PDE4B: variants seen among roughly 807,000 people sequenced by gnomAD.
The protein encoded by PDE4B is 3',5'-cyclic-AMP phosphodiesterase 4B.
In PDE4B, 20 loss-of-function variants were observed where a neutral mutation model predicts 82.2. The observed-to-expected ratio is 0.24, with a 90% CI of 0.17 to 0.35. PDE4B has a LOEUF of 0.35. Among genes scored for constraint, PDE4B ranks in the 10% least tolerant of loss-of-function variants. PDE4B has a pLI of 1.00. For missense variants in PDE4B, 655 were observed against 907.2 expected (o/e 0.72, Z 3.57); for synonymous variants, 320 against 318.9 (o/e 1.00, Z -0.04).
At chr1:66,281,553 T>C (rs1008327153) in intron 7 of PDE4B, among the ~76,000 whole-genome samples, 1 of 152,242 alleles carries the variant, frequency 6.6e-6, no homozygotes, top group Non-Finnish European at 1.5e-5. Context: ...GAAGGGTGGA[T>C]TCAATCACTT....
intron 3 of PDE4B, among the ~76,000 whole-genome samples, chr1:66,184,897 G>A: frequency 6.6e-6 from 1 of 150,454 alleles, no homozygotes. Context: ...GTGCATGTTT[G>A]TTGCATATGT....
intron 3 of PDE4B, among the ~76,000 whole-genome samples, chr1:66,105,934 C>T (rs1413339516): frequency 2.0e-5 from 3 of 151,940 alleles, no homozygotes; most frequent in East Asian, 1.9e-4. Flanking sequence ...CCTTTATTTC[C>T]TTCTCCTGCC....
At chr1:66,193,948 ATCT>A (rs1232225459) in intron 3 of PDE4B, among the ~76,000 whole-genome samples, 1 of 109,638 alleles carries the variant, frequency 9.1e-6, no homozygotes, top group African/African-American at 2.9e-5. Context: ...GAGATTTGAA[ATCT>A]TTTTTTTTTT....
intron 3 of PDE4B, among the ~76,000 whole-genome samples, chr1:65,975,685 C>A (rs552469141): frequency 6.6e-6 from 1 of 152,296 alleles, no homozygotes; most frequent in South Asian, 2.1e-4. Flanking sequence ...TGGAACAAGG[C>A]ACCTTGCATC....
chr1:66,328,115 C>G (rs764938035), intron 7 of PDE4B, among the ~76,000 whole-genome samples: 1 of 152,170 alleles, frequency 6.6e-6, no homozygotes, highest in Non-Finnish European at 1.5e-5. Flanking sequence ...TATTTGAATA[C>G]CATATATCAT....
At chr1:66,048,892 T>A (rs934560507) in intron 3 of PDE4B, 1 of 151,928 alleles carries the variant, frequency 6.6e-6, no homozygotes, top group African/African-American at 2.4e-5. Context: ...AGTGAAGAGG[T>A]AAGTGTAGAC....
At chr1:66,145,767 G>T (rs1346468295) in intron 3 of PDE4B, among the ~76,000 whole-genome samples, 2 of 152,132 alleles carry the variant, frequency 1.3e-5, no homozygotes, top group East Asian at 1.9e-4. Flanking sequence ...AACAAAGAAG[G>T]TGCCTTTCCA....
At chr1:66,114,939 T>C (rs1052393672) in intron 3 of PDE4B, among the ~76,000 whole-genome samples, 22 of 152,260 alleles carry the variant, frequency 1.4e-4, no homozygotes, top group Admixed American at 7.8e-4. Context: ...CCCAGTCATA[T>C]AAAAAATATG....
At chr1:65,810,988 G>A (rs543415580) in intron 1 of PDE4B, among the ~76,000 whole-genome samples, 83 of 152,216 alleles carry the variant, frequency 5.5e-4, no homozygotes, top group Non-Finnish European at 1.0e-3. Flanking sequence ...AGCCTGTCTC[G>A]TGCATTGCAG....
At chr1:66,026,945 C>G (rs2455031) in intron 3 of PDE4B, among the ~76,000 whole-genome samples, 1 of 152,214 alleles carries the variant, frequency 6.6e-6, no homozygotes, top group Non-Finnish European at 1.5e-5. Context: ...AGTAAACTTA[C>G]GTTTTTCTTA....
intron 3 of PDE4B, among the ~76,000 whole-genome samples, chr1:65,954,919 AT>A (rs1174915561): frequency 2.0e-5 from 3 of 151,812 alleles, no homozygotes; most frequent in Non-Finnish European, 2.9e-5. Flanking sequence ...AAGACTTTGT[AT>A]TTTTTTTAAA....
At chr1:66,031,569 A>G (rs1653777652) in intron 3 of PDE4B, among the ~76,000 whole-genome samples, 2 of 152,236 alleles carry the variant, frequency 1.3e-5, no homozygotes, top group African/African-American at 4.8e-5. Flanking sequence ...CAAGTAAATT[A>G]AAGAACACTT....
intron 9 of PDE4B, among the ~76,000 whole-genome samples, chr1:66,360,258 A>G (rs1662647636): frequency 6.6e-6 from 1 of 152,048 alleles, no homozygotes; most frequent in South Asian, 2.1e-4. Context: ...CCTAGAGACA[A>G]TACTGATATG....
At chr1:66,262,698 A>T (rs1318298564) in intron 6 of PDE4B, among the ~76,000 whole-genome samples, 1 of 152,204 alleles carries the variant, frequency 6.6e-6, no homozygotes, top group Non-Finnish European at 1.5e-5. Context: ...TTATTCATTG[A>T]AAATGTATTG....
chr1:65,933,625 C>T (rs1193699983), intron 3 of PDE4B, among the ~76,000 whole-genome samples: 2 of 151,838 alleles, frequency 1.3e-5, no homozygotes, highest in African/African-American at 4.8e-5. Flanking sequence ...CCGAGATCAT[C>T]GTGCCATTGC....
chr1:66,064,463 A>C (rs753794745), intron 3 of PDE4B, among the ~76,000 whole-genome samples: 1 of 152,028 alleles, frequency 6.6e-6, no homozygotes, highest in Non-Finnish European at 1.5e-5. Context: ...AAGGAAAAAA[A>C]GGAGGCAGTC....
intron 3 of PDE4B, among the ~76,000 whole-genome samples, chr1:66,129,260 A>G (rs960405638): frequency 4.6e-5 from 7 of 152,228 alleles, no homozygotes; most frequent in Admixed American, 3.9e-4. Flanking sequence ...TTGAAATAGA[A>G]AACAAGATAA....
At chr1:66,089,347 A>G (rs1216548925) in intron 3 of PDE4B, among the ~76,000 whole-genome samples, 3 of 152,114 alleles carry the variant, frequency 2.0e-5, no homozygotes, top group African/African-American at 7.2e-5. Context: ...GTAATACCTT[A>G]TGGTGGCTAT....
intron 1 of PDE4B, among the ~76,000 whole-genome samples, chr1:65,882,273 A>G (rs1646716668): frequency 6.6e-6 from 1 of 152,166 alleles, no homozygotes; most frequent in Admixed American, 6.6e-5. Flanking sequence ...AAACGCAATT[A>G]CTAAACTGAA....
Sources: gnomAD v4.1 joint callset for allele counts (sites outside exome capture counted in the v4.1 genomes callset) on GRCh38, gnomAD v4.1.1 for gene constraint, MANE v1.5 for transcripts, NCBI Gene and HGNC (gene_info 2026-07-23, HGNC 2026-07-21) for gene names.